Variants in ZNF208 observed in about 807,000 individuals in gnomAD.
ZNF208 encodes zinc finger protein 208.
In ZNF208, 10 loss-of-function variants were observed where a neutral mutation model predicts 12.1. The observed-to-expected ratio is 0.83, with a 90% confidence interval of 0.51 to 1.40. The LOEUF is 1.40. Among genes scored for constraint, ZNF208 ranks in the 40% most tolerant of loss-of-function variants. The pLI is 0.00. For missense variants in ZNF208, 1,652 were observed against 1,485.0 expected (o/e 1.11, Z -1.85); for synonymous variants, 497 against 488.4 (o/e 1.02, Z -0.23).
intron 1 of ZNF208, among the ~76,000 whole-genome samples, chr19:22,007,248 G>A (rs1425371230): frequency 1.3e-5 from 2 of 152,080 alleles, no homozygotes; most frequent in East Asian, 1.9e-4. Context: ...GGCCGGGCAC[G>A]GTGGCTCATG....
chr19:21,994,486 C>A (rs1970795126), intron 1 of ZNF208, among the ~76,000 whole-genome samples: 2 of 152,100 alleles, frequency 1.3e-5, no homozygotes, highest in Admixed American at 1.3e-4. Context: ...ATGAACAGGG[C>A]TGGGGCAGAG....
At chr19:21,996,935 A>T (rs1409530228) in intron 1 of ZNF208, among the ~76,000 whole-genome samples, 1 of 152,218 alleles carries the variant, frequency 6.6e-6, no homozygotes, top group Admixed American at 6.5e-5. Flanking sequence ...TATTTAGGGT[A>T]CAGCATGCAC....
chr19:21,988,634 A>G (rs1453444297), intron 2 of ZNF208, 149 bp downstream of exon 2: 4 of 1,457,956 alleles, frequency 2.7e-6, no homozygotes, highest in Non-Finnish European at 3.7e-6. Context: ...GACTAGAAGC[A>G]AGGAGGCCCC....
At chr19:21,961,415 T>C (rs1435101943), downstream of ZNF208, among the ~76,000 whole-genome samples, 4 of 152,026 alleles carry the variant, frequency 2.6e-5, no homozygotes, top group Non-Finnish European at 5.9e-5. Flanking sequence ...AAAGCAAAGA[T>C]CACAAGGCAA....
intron 1 of ZNF208, among the ~76,000 whole-genome samples, chr19:22,009,819 C>T (rs1479579699): frequency 6.6e-6 from 1 of 151,572 alleles, no homozygotes; most frequent in East Asian, 1.9e-4. Context: ...AAATTTCAGG[C>T]TTAACACACT....
intron 4 of ZNF208, among the ~76,000 whole-genome samples, chr19:21,955,992 T>C (rs1486388795): frequency 2.0e-5 from 3 of 152,188 alleles, no homozygotes. Flanking sequence ...TCTTTGATGA[T>C]GGTGATGTAC....
At chr19:22,007,972 C>G (rs1971075917) in intron 1 of ZNF208, among the ~76,000 whole-genome samples, 2 of 143,292 alleles carry the variant, frequency 1.4e-5, no homozygotes, top group African/African-American at 5.4e-5. Flanking sequence ...CCACTGCAGT[C>G]CAGCCTGGGT....
intron 3 of ZNF208, among the ~76,000 whole-genome samples, chr19:21,975,365 G>A (rs10426971): frequency 0.38 from 58,215 of 151,890 alleles, 11,601 homozygotes; most frequent in East Asian, 0.48. Flanking sequence ...CTGCAGTCCT[G>A]CAGAGAGAGA....
intron 4 of ZNF208, among the ~76,000 whole-genome samples, chr19:21,946,338 GC>G (rs1206667787): frequency 6.6e-6 from 1 of 152,124 alleles, no homozygotes; most frequent in East Asian, 1.9e-4. Context: ...TCAGGCCAAG[GC>G]CCCAGGCAAA....
At position 21,953,191 on chromosome 19, in the gene ZNF208, C is replaced by A. The variant is rs933743336; in HGVS notation, c.306-19954G>T. On this transcript the variant is annotated intron_variant, in intron 4 of 4. Coordinates refer to the ZNF208 transcript ENST00000599916. Reference sequence around the variant, plus strand: ...GAAAAGACCAAATCTACATTTGATACGTGTACCTGAAAGTGATGGGGAGAA... The same window carrying A: ...GAAAAGACCAAATCTACATTTGATAAGTGTACCTGAAAGTGATGGGGAGAA... Among the ~76,000 whole-genome samples, 3 of 152,024 alleles carry A rather than the reference C, an allele frequency of 2.0e-5. No homozygotes were observed. In the South Asian group the frequency reaches 6.2e-4, roughly 32 times the overall value.
At chr19:21,998,840 A>C (rs918148447) in intron 1 of ZNF208, 2 of 152,198 alleles carry the variant, frequency 1.3e-5, no homozygotes, top group Admixed American at 1.3e-4. Context: ...TTCCACCAGC[A>C]CTTTTTTATA....
chr19:22,005,108 AAT>A (rs1458034620), intron 1 of ZNF208, among the ~76,000 whole-genome samples: 1 of 152,140 alleles, frequency 6.6e-6, no homozygotes, highest in African/African-American at 2.4e-5. Flanking sequence ...AGTGTCTGAA[AAT>A]AGAGATATGC....
chr19:21,954,040 G>T (rs537060942), intron 4 of ZNF208, among the ~76,000 whole-genome samples: 2 of 152,244 alleles, frequency 1.3e-5, no homozygotes, highest in East Asian at 3.9e-4. Flanking sequence ...TTGTGTCTTT[G>T]TTCTCATTGG....
chr19:21,951,878 G>T (rs10425563), intron 4 of ZNF208, among the ~76,000 whole-genome samples: 7,273 of 152,296 alleles, frequency 0.048, 477 homozygotes, highest in African/African-American at 0.15. Context: ...GGGGTTGGGG[G>T]ATTTCCCTAT....
chr19:21,943,677 CA>C (rs1044138088), intron 4 of ZNF208, among the ~76,000 whole-genome samples: 1 of 151,458 alleles, frequency 6.6e-6, no homozygotes, highest in Non-Finnish European at 1.5e-5. Flanking sequence ...ACATGTGAAA[CA>C]AAAAAAATGA....
At position 21,971,242 on chromosome 19, in the gene ZNF208, C is replaced by A. The variant is rs1970274829; in HGVS notation, c.3792G>T (p.Trp1264Cys). ...KCEECGKAFS[W>C]LSVFSKHKKI... ...TCTTATGTTTACTGAAGACTGATAA[C>A]CAGCTGAAGGCTTTGCCACATTCTT... Residue 1264 changes from tryptophan to cysteine, a missense_variant, in exon 4 of 4, where the codon TGG (tryptophan) becomes TGT (cysteine). This residue lies in a region of ZNF208 where 1,239 missense variants were observed against 1,086.2 expected (regional missense o/e 1.14). Transcript: ENST00000397126. The A allele has an allele frequency of 6.2e-7, 1 of 1,612,372 alleles. No individual in the cohort carries two copies. The highest frequency in any genetic ancestry group is 1.3e-5 in the African/African-American group (1 of 74,870).
At chr19:21,981,410 C>T (rs1434900563) in intron 3 of ZNF208, among the ~76,000 whole-genome samples, 1 of 152,012 alleles carries the variant, frequency 6.6e-6, no homozygotes, top group Non-Finnish European at 1.5e-5. Context: ...TCAACATACA[C>T]AAATCAATAA....
chr19:21,961,513 T>C (rs1366846974), downstream of ZNF208, among the ~76,000 whole-genome samples: 1 of 152,032 alleles, frequency 6.6e-6, no homozygotes, highest in South Asian at 2.1e-4. Context: ...GAAAATTGGG[T>C]TCGAGAGCAG....
intron 4 of ZNF208, among the ~76,000 whole-genome samples, chr19:21,944,010 C>G (rs568114675): frequency 2.0e-5 from 3 of 152,120 alleles, no homozygotes; most frequent in Non-Finnish European, 4.4e-5. Flanking sequence ...GACTTAGTGT[C>G]TAATATGTTG....
Sources: allele counts gnomAD v4.1 joint callset (sites outside exome capture counted in the v4.1 genomes callset), GRCh38; gene constraint gnomAD v4.1.1; regional missense constraint gnomAD v4.1.1; transcripts MANE v1.5; gene names NCBI Gene and HGNC (gene_info 2026-07-23, HGNC 2026-07-21).